OSBPL10: variants seen among roughly 807,000 people sequenced by gnomAD.
OSBPL10 encodes oxysterol binding protein like 10.
In OSBPL10, 49 loss-of-function variants were observed where a neutral mutation model predicts 81.7. That is an observed-to-expected ratio of 0.60 (90% CI 0.48 to 0.76). OSBPL10 has a LOEUF of 0.76. OSBPL10 is among the 30% of genes least tolerant of loss of function. The probability of loss-of-function intolerance (pLI) is 0.00; values close to 1 mark genes in which losing one functional copy is unlikely to be tolerated. For synonymous variants in OSBPL10, 419 were observed against 383.6 expected (o/e 1.09, Z -1.08); for missense variants, 923 against 987.8 (o/e 0.93, Z 0.88).
At chr3:31,959,820 T>C (rs1024728515) in intron 1 of OSBPL10, among the ~76,000 whole-genome samples, 4 of 152,194 alleles carry the variant, frequency 2.6e-5, no homozygotes, top group Non-Finnish European at 4.4e-5. Flanking sequence ...CTGAGCACCT[T>C]CAAGCCTCAG....
At chr3:31,887,394 T>C (rs756365524) in intron 1 of OSBPL10, among the ~76,000 whole-genome samples, 19 of 152,208 alleles carry the variant, frequency 1.2e-4, no homozygotes, top group Non-Finnish European at 2.5e-4. Context: ...CTGGTAATCA[T>C]TTGTTGAACC....
At chr3:31,764,134 T>C (rs1698135231) in intron 4 of OSBPL10, among the ~76,000 whole-genome samples, 1 of 152,244 alleles carries the variant, frequency 6.6e-6, no homozygotes, top group African/African-American at 2.4e-5. Flanking sequence ...CATTTAGAAC[T>C]GCTTTCTACT....
chr3:31,879,231 G>A (rs1003854937), intron 2 of OSBPL10, among the ~76,000 whole-genome samples: 1 of 152,070 alleles, frequency 6.6e-6, no homozygotes, highest in African/African-American at 2.4e-5. Flanking sequence ...AACTCAAAGG[G>A]GCACTTTACT....
intron 1 of OSBPL10, among the ~76,000 whole-genome samples, chr3:31,948,569 A>G (rs1375517140): frequency 6.6e-6 from 1 of 152,202 alleles, no homozygotes; most frequent in Non-Finnish European, 1.5e-5. Flanking sequence ...TCATATAACT[A>G]ACAACTTTCC....
At chr3:31,993,681 TACACACAC>T (rs139678560) in intron 2 of OSBPL10, among the ~76,000 whole-genome samples, 14 of 147,216 alleles carry the variant, frequency 9.5e-5, no homozygotes, top group African/African-American at 3.3e-4. Flanking sequence ...TACACACACA[TACACACAC>T]ACACACACAC....
chr3:31,662,069 C>A lies in OSBPL10; in HGVS notation c.*3G>T, dbSNP rs1177894888. 6.2e-7 allele frequency: 1 copy of A among 1,613,682 alleles called. No homozygotes were observed. The highest frequency in any genetic ancestry group is 8.5e-7 in the Non-Finnish European group (1 of 1,179,880). On this transcript the variant is annotated 3_prime_UTR_variant, in exon 12 of 12. Transcript: ENST00000396556. ...TACTGGAAAGCTCTGCACCTCCACC[C>A]CATCAGTGTGCTTTCCAGAGGGGAT...
At chr3:31,685,208 T>TG (rs761059019) in intron 7 of OSBPL10, among the ~76,000 whole-genome samples, 1 of 152,046 alleles carries the variant, frequency 6.6e-6, no homozygotes, top group Non-Finnish European at 1.5e-5. Context: ...ATCGGGTATT[T>TG]TTTGTTTGTT....
At chr3:31,812,796 AAGAAAGAAAG>A (rs1699734432) in intron 4 of OSBPL10, among the ~76,000 whole-genome samples, 1 of 55,444 alleles carries the variant, frequency 1.8e-5, no homozygotes, top group Admixed American at 2.4e-4. Context: ...GAAAGAAAGA[AAGAAAGAAAG>A]AAAGAAAGAA....
intron 3 of OSBPL10, among the ~76,000 whole-genome samples, chr3:31,874,385 CA>C (rs1214225072): frequency 1.3e-5 from 2 of 152,074 alleles, no homozygotes; most frequent in African/African-American, 2.4e-5. Context: ...AACTTGACTG[CA>C]AAAACTTAAA....
intron 1 of OSBPL10, among the ~76,000 whole-genome samples, chr3:32,048,441 G>A (rs1411787581): frequency 6.6e-6 from 1 of 151,728 alleles, no homozygotes; most frequent in Admixed American, 6.6e-5. Flanking sequence ...CCAAATAGCT[G>A]CGATTACAGG....
chr3:31,796,993 A>ATTTTTTTTTTTT (rs71097443), intron 4 of OSBPL10, among the ~76,000 whole-genome samples: 6 of 123,608 alleles, frequency 4.9e-5, no homozygotes, highest in Non-Finnish European at 6.5e-5. Context: ...ATTTTTATTA[A>ATTTTTTTTTTTT]TTTTTTTTTT....
At chr3:31,746,824 G>T (rs1315018611) in intron 5 of OSBPL10, among the ~76,000 whole-genome samples, 7 of 151,522 alleles carry the variant, frequency 4.6e-5, no homozygotes, top group African/African-American at 1.7e-4. Context: ...GGACTGTTGT[G>T]GGGTGGGGGG....
intron 2 of OSBPL10, chr3:31,990,958 C>A: frequency 6.4e-7 from 1 of 1,573,866 alleles, no homozygotes; most frequent in South Asian, 1.2e-5. Context: ...ATGTCATAAG[C>A]GTGGCAAGGT....
chr3:31,758,743 G>C (rs1353640308), intron 4 of OSBPL10, among the ~76,000 whole-genome samples: 1 of 152,160 alleles, frequency 6.6e-6, no homozygotes, highest in Non-Finnish European at 1.5e-5. Flanking sequence ...GGATCTCATG[G>C]AGCAGCATGA....
intron 2 of OSBPL10, among the ~76,000 whole-genome samples, chr3:31,998,487 C>A (rs1699112524): frequency 6.6e-6 from 1 of 152,204 alleles, no homozygotes; most frequent in East Asian, 1.9e-4. Context: ...GGGAACTTCA[C>A]AACTACTGTA....
chr3:31,905,597 G>A (rs1490007505), intron 1 of OSBPL10, among the ~76,000 whole-genome samples: 1 of 151,838 alleles, frequency 6.6e-6, no homozygotes, highest in African/African-American at 2.4e-5. Context: ...TGATCCACCT[G>A]CCTCAGCCTC....
chr3:31,877,526 CATAA>C (rs1167989933), intron 2 of OSBPL10, among the ~76,000 whole-genome samples: 1 of 151,224 alleles, frequency 6.6e-6, no homozygotes, highest in Non-Finnish European at 1.5e-5. Flanking sequence ...AATTTAATCA[CATAA>C]ATAACTGCAT....
At chr3:31,749,437 A>T (rs1185704120) in intron 4 of OSBPL10, among the ~76,000 whole-genome samples, 3 of 152,224 alleles carry the variant, frequency 2.0e-5, no homozygotes, top group Non-Finnish European at 4.4e-5. Context: ...ATTACAGAGG[A>T]TCTACCTAGC....
chr3:31,910,927 G>C (rs564994394), intron 1 of OSBPL10, among the ~76,000 whole-genome samples: 103 of 152,228 alleles, frequency 6.8e-4, no homozygotes, highest in African/African-American at 2.2e-3. Context: ...AACCCAGCAG[G>C]CTGTCTTCTC....
Sources: gnomAD v4.1 joint callset for allele counts (sites outside exome capture counted in the v4.1 genomes callset) on GRCh38, gnomAD v4.1.1 for gene constraint, MANE v1.5 for transcripts, NCBI Gene and HGNC (gene_info 2026-07-23, HGNC 2026-07-21) for gene names.